Variants in KATNAL2 observed in about 807,000 individuals in gnomAD.
KATNAL2 encodes katanin catalytic subunit A1 like 2.
Under a neutral mutation model 76.3 loss-of-function variants are expected in KATNAL2, and 52 were observed. The ratio of observed to expected loss-of-function variants is 0.68; its 90% CI spans 0.55 to 0.86. The LOEUF (loss-of-function observed/expected upper bound fraction) is 0.86, where lower values mean the gene tolerates loss of function less well. Among genes scored for constraint, KATNAL2 ranks in the 40% least tolerant of loss-of-function variants. The probability of loss-of-function intolerance (pLI) is 0.00; values close to 1 mark genes in which losing one functional copy is unlikely to be tolerated. For missense variants in KATNAL2, 660 were observed against 668.9 expected (o/e 0.99, Z 0.15); for synonymous variants, 243 against 244.2 (o/e 1.00, Z 0.05).
chr18:46,949,515 C>T (rs777036407), intron 3 of KATNAL2, among the ~76,000 whole-genome samples: 14 of 152,186 alleles, frequency 9.2e-5, no homozygotes, highest in Non-Finnish European at 1.9e-4. Context: ...CCAAAGTCCT[C>T]GGATTACAAG....
intron 1 of KATNAL2, among the ~76,000 whole-genome samples, chr18:46,935,803 C>A (rs966375503): frequency 6.6e-6 from 1 of 152,038 alleles, no homozygotes. Flanking sequence ...GTAGTCCCAG[C>A]TACTCAGGAG....
intron 15 of KATNAL2, among the ~76,000 whole-genome samples, chr18:47,097,238 T>C (rs1170024077): frequency 2.6e-5 from 4 of 151,970 alleles, no homozygotes; most frequent in African/African-American, 4.8e-5. Context: ...GCTAAAACCA[T>C]TAGTTGAAAG....
intron 3 of KATNAL2, among the ~76,000 whole-genome samples, chr18:47,031,011 C>CT (rs2060385265): frequency 1.2e-3 from 5 of 4,280 alleles, no homozygotes; most frequent in African/African-American, 5.8e-3. Context: ...CCTCTAGCAT[C>CT]TCCCCCCCCC....
At chr18:46,958,599 C>G (rs1291694421) in intron 3 of KATNAL2, among the ~76,000 whole-genome samples, 5 of 152,100 alleles carry the variant, frequency 3.3e-5, no homozygotes, top group Non-Finnish European at 5.9e-5. Context: ...CTTCTGGTAG[C>G]AAAGATATGA....
intron 15 of KATNAL2, chr18:47,084,316 C>T (rs1273491795): frequency 2.8e-6 from 2 of 702,832 alleles, no homozygotes; most frequent in South Asian, 3.0e-5. Context: ...AGATGTAACC[C>T]TTGTTCTTTC....
chr18:46,953,813 T>A (rs1399218469), intron 3 of KATNAL2, among the ~76,000 whole-genome samples: 1 of 152,110 alleles, frequency 6.6e-6, no homozygotes, highest in Non-Finnish European at 1.5e-5. Context: ...ATTTTTGTGT[T>A]TTAGAGGAGG....
At chr18:47,037,144 T>A (rs2060806848) in intron 3 of KATNAL2, among the ~76,000 whole-genome samples, 1 of 152,184 alleles carries the variant, frequency 6.6e-6, no homozygotes, top group Non-Finnish European at 1.5e-5. Context: ...CTCATGCAAA[T>A]TAATCTCCAT....
intron 3 of KATNAL2, among the ~76,000 whole-genome samples, chr18:46,954,905 G>T (rs957830275): frequency 6.6e-6 from 1 of 152,032 alleles, no homozygotes; most frequent in South Asian, 2.1e-4. Context: ...CACCTGCCTC[G>T]GCCTCCCAAA....
At chr18:47,036,905 T>C (rs903078363) in intron 3 of KATNAL2, among the ~76,000 whole-genome samples, 1 of 152,208 alleles carries the variant, frequency 6.6e-6, no homozygotes, top group African/African-American at 2.4e-5. Context: ...ATTTGAAAGT[T>C]AGGAAGTTTC....
intron 17 of KATNAL2, 135 bp downstream of exon 17, chr18:47,100,491 C>T (rs1398325801): frequency 1.3e-5 from 9 of 683,622 alleles, no homozygotes; most frequent in Admixed American, 1.0e-4. Flanking sequence ...TCATCCCTCA[C>T]TCAACTCATT....
At chr18:47,093,504 G>T (rs2063096064) in intron 15 of KATNAL2, among the ~76,000 whole-genome samples, 1 of 149,980 alleles carries the variant, frequency 6.7e-6, no homozygotes, top group African/African-American at 2.5e-5. Context: ...GTGTGTGTGT[G>T]TGTGTATTTA....
rs2576055 is a variant in KATNAL2 at position 47,094,028 on chromosome 18, G to A, written c.1212-5215G>A. 2.2e-3 allele frequency among the ~76,000 whole-genome samples: 336 copies of A among 152,264 alleles called. 1 individual carries two copies. Among genetic ancestry groups the A allele is most frequent in the Admixed American group, 3.3e-3 (50 of 15,296 alleles). On this transcript the variant is annotated intron_variant, in intron 15 of 17. Transcript: ENST00000683218. The stretch of plus-strand genomic sequence containing the variant: ...ACTTAATCCCCAATGCAACAGTGTC[G>A]GATGGTAGAGCCCTATGGGAAGTGT...
chr18:47,065,411 C>G (rs915108666), intron 10 of KATNAL2, among the ~76,000 whole-genome samples: 3 of 141,718 alleles, frequency 2.1e-5, no homozygotes, highest in African/African-American at 8.0e-5. Context: ...GACTGTGGGA[C>G]TTGAGTATGC....
chr18:47,031,271 G>C (rs1231998808), intron 3 of KATNAL2, among the ~76,000 whole-genome samples: 1 of 151,918 alleles, frequency 6.6e-6, no homozygotes, highest in Non-Finnish European at 1.5e-5. Context: ...CCACGGTTTG[G>C]GCAGCGGAGT....
chr18:46,921,979 A>G (rs1201396806), intron 1 of KATNAL2, among the ~76,000 whole-genome samples: 3 of 152,032 alleles, frequency 2.0e-5, no homozygotes, highest in Non-Finnish European at 4.4e-5. Flanking sequence ...TGCTAAGCAT[A>G]TATCTATTTA....
Position 47,061,914 on chromosome 18 carries a change from A to G in KATNAL2, c.550-1058A>G, listed in dbSNP as rs2061646132. Among the ~76,000 whole-genome samples the G allele has an allele frequency of 3.3e-5, 5 of 149,912 alleles. No homozygotes were observed. The South Asian group carries it at 1.1e-3, about 32-fold the overall frequency. ...TTTTTCCTTCCTACCTCTAGGGGGG[A>G]CAGGGTGATATTGGAAGGATCATGG... On this transcript the variant is annotated intron_variant, in intron 8 of 17. Coordinates refer to ENST00000683218, the MANE Select transcript of KATNAL2 (RefSeq NM_001387690.1).
intron 3 of KATNAL2, among the ~76,000 whole-genome samples, chr18:47,031,286 C>G: frequency 6.6e-6 from 1 of 151,990 alleles, no homozygotes; most frequent in Non-Finnish European, 1.5e-5. Context: ...CGGAGTTCCA[C>G]TCTTACCTTT....
rs201907549 is a variant in KATNAL2, at chr18:47,045,116, GA to G, written c.52-1333del. 8.2e-3 allele frequency among the ~76,000 whole-genome samples: 1,220 copies of G among 149,138 alleles called. 6 individuals are homozygous for G. Among genetic ancestry groups the G allele is most frequent in the Non-Finnish European group, 0.013 (883 of 67,186 alleles). ...CCTGTCTCAAAAAAAAATTAAAAAA[GA>G]AAAAAAATGGTTAAAATGGTAAATT... On this transcript the variant is annotated intron_variant, in intron 3 of 17. Coordinates refer to ENST00000683218, the MANE Select transcript of KATNAL2 (RefSeq NM_001387690.1).
rs1260469981 is a variant in KATNAL2 at position 47,034,699 on chromosome 18, G to A, written c.52-11758G>A. On this transcript the variant is annotated intron_variant, in intron 3 of 17. Transcript: ENST00000683218. ...GTGGCCTCTTCCGGGTTGCTTCCCGGGCGCAGCGGGCTCAGGGCCCTCGGG... is the reference window on the plus strand; with the variant it reads ...GTGGCCTCTTCCGGGTTGCTTCCCGAGCGCAGCGGGCTCAGGGCCCTCGGG... The A allele has an allele frequency of 6.2e-7, 1 of 1,612,994 alleles. No individual in the cohort carries two copies. The highest frequency in any genetic ancestry group is 1.1e-5 in the South Asian group (1 of 91,018).
Sources: allele counts gnomAD v4.1 joint callset (sites outside exome capture counted in the v4.1 genomes callset), GRCh38; gene constraint gnomAD v4.1.1; transcripts MANE v1.5; gene names NCBI Gene and HGNC (gene_info 2026-07-23, HGNC 2026-07-21).